The following PLA2G7 variants were observed in gnomAD, a reference collection of about 807,000 sequenced individuals.
PLA2G7 encodes phospholipase A2 group VII.
PLA2G7 carries 63 observed loss-of-function variants against 49.6 expected under a neutral mutation model. That is an observed-to-expected ratio of 1.27 (90% CI 1.04 to 1.57). The LOEUF (loss-of-function observed/expected upper bound fraction) is 1.57, where lower values mean the gene tolerates loss of function less well. Among genes scored for constraint, PLA2G7 ranks in the 40% most tolerant of loss-of-function variants. The probability of loss-of-function intolerance (pLI) is 0.00; values close to 1 mark genes in which losing one functional copy is unlikely to be tolerated. For synonymous variants in PLA2G7, 193 were observed against 169.9 expected, an observed-to-expected ratio of 1.14 and a Z score of -1.06; for missense variants, 596 against 521.2, an observed-to-expected ratio of 1.14 and a Z score of -1.40.
intron 5 of PLA2G7, among the ~76,000 whole-genome samples, chr6:46,713,652 T>G (rs1299006632): frequency 1.3e-5 from 2 of 152,182 alleles, no homozygotes; most frequent in Non-Finnish European, 2.9e-5. Context: ...TTTCTGAGTT[T>G]TACAATCCCT....
At chr6:46,723,570 A>C (rs1469467943) in intron 1 of PLA2G7, among the ~76,000 whole-genome samples, 1 of 152,186 alleles carries the variant, frequency 6.6e-6, no homozygotes, top group Non-Finnish European at 1.5e-5. Flanking sequence ...GGTAATAATA[A>C]ATTATAATTA....
At chr6:46,720,292 G>A (rs1291346913) in intron 2 of PLA2G7, among the ~76,000 whole-genome samples, 1 of 152,228 alleles carries the variant, frequency 6.6e-6, no homozygotes, top group Non-Finnish European at 1.5e-5. Flanking sequence ...CTCCGCTTGT[G>A]AGATCTCAAT....
intron 10 of PLA2G7, among the ~76,000 whole-genome samples, chr6:46,705,534 C>A (rs1764788474): frequency 6.6e-6 from 1 of 152,096 alleles, no homozygotes; most frequent in African/African-American, 2.4e-5. Context: ...GAATCTTGTT[C>A]TTGCTTGGTA....
chr6:46,717,852 C>T lies in PLA2G7; in HGVS notation c.110-756G>A, dbSNP rs186288596. On this transcript the variant is annotated intron_variant, in intron 2 of 11. Coordinates refer to ENST00000274793, the MANE Select transcript of PLA2G7 (RefSeq NM_005084.4). ...TCAGCCTCCTGAGTAGCTGGGATTACAGGTGTAGGCATGTGCCACCATGCC... is the reference window on the plus strand; with the variant it reads ...TCAGCCTCCTGAGTAGCTGGGATTATAGGTGTAGGCATGTGCCACCATGCC... 6.6e-5 allele frequency among the ~76,000 whole-genome samples: 10 copies of T among 151,844 alleles called. No homozygotes were observed. In the East Asian group the frequency reaches 1.6e-3, roughly 24 times the overall value.
At chr6:46,710,452 A>T in intron 8 of PLA2G7, 93 bp downstream of exon 8, 1 of 821,122 alleles carries the variant, frequency 1.2e-6, no homozygotes, top group Non-Finnish European at 2.1e-6. Flanking sequence ...GCAGCCCTTT[A>T]TCATATTGTA....
chr6:46,709,706 C>T (rs564564692), intron 8 of PLA2G7, among the ~76,000 whole-genome samples: 4 of 152,326 alleles, frequency 2.6e-5, no homozygotes, highest in Admixed American at 6.5e-5. Flanking sequence ...TCAGTTCTGA[C>T]TTCTGCCTCT....
chr6:46,712,848 T>C (rs1765073944), intron 5 of PLA2G7, among the ~76,000 whole-genome samples: 1 of 152,180 alleles, frequency 6.6e-6, no homozygotes, highest in Non-Finnish European at 1.5e-5. Context: ...TAAGATAATG[T>C]ATATAGGAAA....
At chr6:46,707,742 C>G (rs1233279183) in intron 10 of PLA2G7, among the ~76,000 whole-genome samples, 1 of 152,160 alleles carries the variant, frequency 6.6e-6, no homozygotes, top group African/African-American at 2.4e-5. Context: ...TACCCAGTCT[C>G]AGGTATTTCC....
Position 46,710,527 on chromosome 6 carries a change from T to C in PLA2G7, c.777+18A>G, listed in dbSNP as rs527508306. 7.0e-7 allele frequency: 1 copy of C among 1,437,234 alleles called. No individual in the cohort carries two copies. Among genetic ancestry groups the C allele is most frequent in the Non-Finnish European group, 9.8e-7 (1 of 1,019,094 alleles). The allele number at this position is 1,437,234 out of a possible 1,614,324, so 89.0% of individuals were successfully genotyped here. A position where few individuals can be genotyped will look rare whatever the true frequency, so the allele number is the denominator to read the frequency against. On this transcript the variant is annotated intron_variant, in intron 8 of 11. Coordinates refer to ENST00000274793, the MANE Select transcript of PLA2G7 (RefSeq NM_005084.4). ...AAAGAACTGTAGGACAAGAGAAAAA[T>C]TACTTTTTATAGCTTACCTTCAGTT...
In PLA2G7 at chr6:46,716,431, A is replaced by T; in HGVS notation, c.329T>A (p.Phe110Tyr). 6.2e-7 allele frequency: 1 copy of T among 1,614,082 alleles called. No homozygotes were observed. Among genetic ancestry groups the T allele is most frequent in the Non-Finnish European group, 8.5e-7 (1 of 1,179,974 alleles). ...NKEYFWGLSKFLGTHWLMGNI... is the reference protein window; with the variant it reads ...NKEYFWGLSKYLGTHWLMGNI... ...GCCCATAAGCCAGTGTGTTCCAAGAAATTTGCTAAGACCCCAAAAATATTC... is the reference window on the plus strand; with the variant it reads ...GCCCATAAGCCAGTGTGTTCCAAGATATTTGCTAAGACCCCAAAAATATTC... Residue 110 changes from phenylalanine (F) to tyrosine (Y), a missense_variant, in exon 4 of 12, where the codon TTT becomes TAT. Phe to Tyr is a conservative substitution (Grantham distance 22). Coordinates refer to ENST00000274793, the MANE Select transcript of PLA2G7 (RefSeq NM_005084.4).
At chr6:46,713,632 T>C (rs1270551446) in intron 5 of PLA2G7, among the ~76,000 whole-genome samples, 1 of 152,182 alleles carries the variant, frequency 6.6e-6, no homozygotes, top group African/African-American at 2.4e-5. Flanking sequence ...CTAAAAGCCA[T>C]CTCTCTTATT....
rs45484394 is a variant in PLA2G7 at position 46,725,437 on chromosome 6, G to A, written c.-34-2512C>T. Among the ~76,000 whole-genome samples, 699 of 151,912 alleles carry A rather than the reference G, an allele frequency of 4.6e-3. 6 individuals are homozygous for A. The highest frequency in any genetic ancestry group is 0.016 in the African/African-American group (653 of 41,422). ...AGTAGAGATGGGGTTTCACCATGTT[G>A]GCCAGGATGGTCTTGATCTCCTGAC... On this transcript the variant is annotated intron_variant, in intron 1 of 11. Coordinates refer to ENST00000274793, the MANE Select transcript of PLA2G7 (RefSeq NM_005084.4).
chr6:46,733,509 T>C (rs1765797453), intron 1 of PLA2G7, among the ~76,000 whole-genome samples: 1 of 152,180 alleles, frequency 6.6e-6, no homozygotes, highest in Admixed American at 6.5e-5. Flanking sequence ...CCCAGTTCAA[T>C]GAAGAAAGAC....
At chr6:46,712,209 T>C in intron 6 of PLA2G7, 60 bp downstream of exon 6, 3 of 1,025,282 alleles carry the variant, frequency 2.9e-6, no homozygotes, top group Non-Finnish European at 4.7e-6. Context: ...AGAAACATAG[T>C]TATGAGCATT....
At position 46,717,014 on chromosome 6, in the gene PLA2G7, G is replaced by C. The variant is rs756433668; in HGVS notation, c.192C>G (p.Ser64=). 6 of 1,613,406 alleles carry C rather than the reference G, an allele frequency of 3.7e-6. No individual in the cohort carries two copies. The highest frequency in any genetic ancestry group is 4.2e-6 in the Non-Finnish European group (5 of 1,179,386). The change falls in exon 3 of 12, where the codon TCC becomes TCG. Residue 64 remains serine (S), a synonymous_variant. Transcript: ENST00000274793. ...CAAACATTAAGTCTGTACAACCAAC[G>C]GAATAAGGCCCATTTCCCCGGGGGA... ...TKIPRGNGPY[S]VGCTDLMFDH...
At chr6:46,730,955 A>C (rs1314889847) in intron 1 of PLA2G7, among the ~76,000 whole-genome samples, 2 of 152,218 alleles carry the variant, frequency 1.3e-5, no homozygotes, top group Admixed American at 1.3e-4. Flanking sequence ...TTCAAGCTGA[A>C]ATTCAGACAC....
chr6:46,713,893 C>G (rs1056809647), intron 5 of PLA2G7, among the ~76,000 whole-genome samples: 5 of 152,184 alleles, frequency 3.3e-5, no homozygotes, highest in Non-Finnish European at 7.3e-5. Context: ...TTAGCCCATT[C>G]CTATGAGATA....
intron 1 of PLA2G7, among the ~76,000 whole-genome samples, chr6:46,723,969 C>G (rs1312956065): frequency 6.6e-6 from 1 of 152,180 alleles, no homozygotes; most frequent in Non-Finnish European, 1.5e-5. Flanking sequence ...ATTCACCAAA[C>G]ATGCCAAGTA....
chr6:46,711,197 A>G (rs1246017512), intron 7 of PLA2G7, among the ~76,000 whole-genome samples: 1 of 152,186 alleles, frequency 6.6e-6, no homozygotes, highest in East Asian at 1.9e-4. Context: ...GTGAGGAAGA[A>G]TCTATTAATT....
Sources: gnomAD v4.1 joint callset for allele counts (sites outside exome capture counted in the v4.1 genomes callset) on GRCh38, gnomAD v4.1.1 for gene constraint, MANE v1.5 for transcripts, NCBI Gene and HGNC (gene_info 2026-07-23, HGNC 2026-07-21) for gene names.